Variants in ABCG2 observed in about 807,000 individuals in gnomAD.
ABCG2 encodes the protein broad substrate specificity ATP-binding cassette transporter ABCG2.
ABCG2 carries 80 observed loss-of-function variants against 73.5 expected under a neutral mutation model. The ratio of observed to expected loss-of-function variants is 1.09; its 90% CI spans 0.91 to 1.31. ABCG2 has a LOEUF of 1.31. ABCG2 is among the 50% of genes most tolerant of loss of function. The pLI, the probability that ABCG2 is intolerant of heterozygous loss-of-function variation, is 0.00. For synonymous variants in ABCG2, 269 were observed against 282.4 expected (o/e 0.95, Z 0.48); for missense variants, 796 against 786.2 (o/e 1.01, Z -0.15).
At chr4:88,216,896 T>C (rs995987973) in intron 1 of ABCG2, among the ~76,000 whole-genome samples, 1 of 151,872 alleles carries the variant, frequency 6.6e-6, no homozygotes, top group Non-Finnish European at 1.5e-5. Context: ...CTGGGCGTGG[T>C]GGTGGGCACC....
At chr4:88,102,487 T>C (rs955208771) in intron 10 of ABCG2, among the ~76,000 whole-genome samples, 1 of 151,502 alleles carries the variant, frequency 6.6e-6, no homozygotes, top group Admixed American at 6.6e-5. Flanking sequence ...TCCCAGCTAC[T>C]CAGGAGGCTG....
chr4:88,098,025 A>C (rs1314182337), intron 12 of ABCG2, among the ~76,000 whole-genome samples: 1 of 152,134 alleles, frequency 6.6e-6, no homozygotes, highest in Non-Finnish European at 1.5e-5. Flanking sequence ...CAGTGGTTGT[A>C]GTATCTGGGG....
chr4:88,119,208 T>G (rs1474235322), intron 6 of ABCG2, among the ~76,000 whole-genome samples: 5 of 152,218 alleles, frequency 3.3e-5, no homozygotes. Flanking sequence ...CAACATGCCT[T>G]TTCTTCTTTG....
At chr4:88,152,937 G>A (rs1294414362) in intron 1 of ABCG2, among the ~76,000 whole-genome samples, 1 of 152,078 alleles carries the variant, frequency 6.6e-6, no homozygotes, top group African/African-American at 2.4e-5. Context: ...TTGTGGGGTT[G>A]TTAGAAGAAA....
At chr4:88,130,996 A>G in intron 5 of ABCG2, 65 bp downstream of exon 5, 1 of 1,567,862 alleles carries the variant, frequency 6.4e-7, no homozygotes, top group East Asian at 2.3e-5. Flanking sequence ...AATCAGAGTC[A>G]TTTTATCCAC....
chr4:88,121,911 A>G, intron 5 of ABCG2, 119 bp from the exon 6 acceptor site: 2 of 994,234 alleles, frequency 2.0e-6, no homozygotes, highest in East Asian at 5.0e-5. Flanking sequence ...TTTATTCTGA[A>G]CAGCAAATAA....
intron 1 of ABCG2, among the ~76,000 whole-genome samples, chr4:88,202,379 T>G (rs1257684144): frequency 1.5e-5 from 2 of 136,002 alleles, no homozygotes; most frequent in African/African-American, 5.4e-5. Context: ...TATATATATG[T>G]ATATTTTAAT....
Position 88,153,782 on chromosome 4 carries a change from G to A in ABCG2, c.-20+4604C>T, listed in dbSNP as rs894754747. On this transcript the variant is annotated intron_variant, in intron 1 of 15. Coordinates refer to ENST00000237612, the MANE Select transcript of ABCG2 (RefSeq NM_004827.3). ...AAGAAGTATTTTAGTTTCCTGACTC[G>A]GGGCATGTGAGTAAAGCTAATTTGC... Among the ~76,000 whole-genome samples, 9 of 152,182 alleles carry A rather than the reference G, an allele frequency of 5.9e-5. 1 individual carries two copies. In the South Asian group the frequency reaches 6.2e-4, roughly 11 times the overall value.
chr4:88,208,276 CA>C (rs1486918069), intron 1 of ABCG2, among the ~76,000 whole-genome samples: 1 of 152,116 alleles, frequency 6.6e-6, no homozygotes, highest in Non-Finnish European at 1.5e-5. Context: ...ATTACTATTA[CA>C]ACAATGTTGC....
intron 1 of ABCG2, among the ~76,000 whole-genome samples, chr4:88,183,086 T>TAA (rs57261009): frequency 1.5e-5 from 1 of 68,912 alleles, no homozygotes; most frequent in African/African-American, 6.0e-5. Flanking sequence ...CTCCGTCTCA[T>TAA]AAAAAAAAAA....
At chr4:88,169,246 A>G (rs977717701) in intron 1 of ABCG2, among the ~76,000 whole-genome samples, 5 of 152,020 alleles carry the variant, frequency 3.3e-5, no homozygotes, top group African/African-American at 1.2e-4. Flanking sequence ...GGGTTTCACC[A>G]TGTTGGCCAG....
intron 1 of ABCG2, among the ~76,000 whole-genome samples, chr4:88,192,300 A>C (rs777332131): frequency 5.3e-5 from 8 of 152,214 alleles, no homozygotes; most frequent in Non-Finnish European, 8.8e-5. Context: ...GGGGTTCGTA[A>C]TGACTATACT....
At chr4:88,160,597 C>T (rs1288065456), upstream of ABCG2, among the ~76,000 whole-genome samples, 4 of 152,144 alleles carry the variant, frequency 2.6e-5, no homozygotes, top group Non-Finnish European at 5.9e-5. Context: ...CGCCTGTAAT[C>T]CTAGTACTTT....
In ABCG2 at chr4:88,090,993, G is replaced by A. The variant is rs1299393101; in HGVS notation, c.*1241C>T. 2 of 152,200 alleles carry A rather than the reference G, an allele frequency of 1.3e-5. No homozygotes were observed. Among genetic ancestry groups the A allele is most frequent in the African/African-American group, 4.8e-5 (2 of 41,460 alleles). The allele number at this position is 152,200 out of a possible 1,614,324, so 9.4% of individuals were successfully genotyped here. A position where few individuals can be genotyped will look rare whatever the true frequency, so the allele number is the denominator to read the frequency against. Reference sequence around the variant, plus strand: ...TTAAAAGTTTATTAAAAAGTGGGGAGATAATTAAGTATCAACCTATGCACA... The same window carrying A: ...TTAAAAGTTTATTAAAAAGTGGGGAAATAATTAAGTATCAACCTATGCACA... On this transcript the variant is annotated 3_prime_UTR_variant, in exon 16 of 16. Transcript: ENST00000237612.
chr4:88,095,556 C>G lies in ABCG2; in HGVS notation c.1701G>C (p.Trp567Cys). ...ATCGTGGAATGCTGAAGTACTGAAG[C>G]CATGACAGCCAAGATGCAATGGTTG... ...NLTTIASWLS[W>C]LQYFSIPRYG... is the part of the protein sequence containing the mutation. Residue 567 changes from tryptophan (W) to cysteine (C), a missense_variant, in exon 14 of 16, where the codon TGG (tryptophan) becomes TGC (cysteine). Transcript: ENST00000237612. The G allele has an allele frequency of 6.2e-7, 1 of 1,613,698 alleles. No individual in the cohort carries two copies. Among genetic ancestry groups the G allele is most frequent in the South Asian group, 1.1e-5 (1 of 91,070 alleles).
At chr4:88,110,801 C>T (rs1723083325) in intron 9 of ABCG2, among the ~76,000 whole-genome samples, 1 of 146,764 alleles carries the variant, frequency 6.8e-6, no homozygotes, top group South Asian at 2.2e-4. Context: ...ATATTTACTA[C>T]CTGATCCTTT....
chr4:88,108,961 G>A lies in ABCG2; in HGVS notation c.1195-1695C>T, dbSNP rs536682432. Among the ~76,000 whole-genome samples the A allele has an allele frequency of 1.3e-3, 198 of 151,330 alleles. 1 individual carries two copies. Among genetic ancestry groups the A allele is most frequent in the African/African-American group, 4.6e-3 (188 of 41,242 alleles). On this transcript the variant is annotated intron_variant, in intron 9 of 15. Transcript: ENST00000237612. Reference sequence around the variant, plus strand: ...CATGAATGTGCATACAAGAGTCTACGTTTTCACACAGTAAAACTTTTAAGA... The same window carrying A: ...CATGAATGTGCATACAAGAGTCTACATTTTCACACAGTAAAACTTTTAAGA...
At chr4:88,164,077 T>C (rs1192864122), upstream of ABCG2, 2 of 153,212 alleles carry the variant, frequency 1.3e-5, no homozygotes, top group Admixed American at 6.5e-5. Flanking sequence ...CTCACCTTTT[T>C]TTTTTTTGAG....
chr4:88,202,985 T>C (rs1258900547), intron 1 of ABCG2, among the ~76,000 whole-genome samples: 1 of 152,226 alleles, frequency 6.6e-6, no homozygotes, highest in African/African-American at 2.4e-5. Context: ...ACCCAAATTC[T>C]TTACACTAAT....
Sources: gnomAD v4.1 joint callset for allele counts (sites outside exome capture counted in the v4.1 genomes callset) on GRCh38, gnomAD v4.1.1 for gene constraint, MANE v1.5 for transcripts, NCBI Gene and HGNC (gene_info 2026-07-23, HGNC 2026-07-21) for gene names.